Variants in PTPRD observed in about 807,000 individuals in gnomAD.
PTPRD encodes the protein receptor-type tyrosine-protein phosphatase delta.
In PTPRD, 34 loss-of-function variants were observed where a neutral mutation model predicts 214.5. That is an observed-to-expected ratio of 0.16 (90% CI 0.12 to 0.21). The LOEUF is 0.21. PTPRD is among the 10% of genes least tolerant of loss of function. The probability of loss-of-function intolerance (pLI) is 1.00; values close to 1 mark genes in which losing one functional copy is unlikely to be tolerated. For synonymous variants in PTPRD, 1,128 were observed against 845.7 expected, an observed-to-expected ratio of 1.33 and a Z score of -5.79; for missense variants, 2,545 against 2,398.7, an observed-to-expected ratio of 1.06 and a Z score of -1.27.
At chr9:9,653,386 A>AG (rs2096423344) in intron 7 of PTPRD, among the ~76,000 whole-genome samples, 1 of 133,794 alleles carries the variant, frequency 7.5e-6, no homozygotes, top group Non-Finnish European at 1.6e-5. Flanking sequence ...AAAAAAAAAA[A>AG]GTGCCTCATT....
intron 12 of PTPRD, among the ~76,000 whole-genome samples, chr9:8,722,616 T>C (rs2098513222): frequency 6.6e-6 from 1 of 152,124 alleles, no homozygotes; most frequent in Non-Finnish European, 1.5e-5. Flanking sequence ...TTTGACAAAA[T>C]GGAAGCATAT....
At chr9:9,590,205 A>G (rs141178098) in intron 7 of PTPRD, among the ~76,000 whole-genome samples, 1 of 152,100 alleles carries the variant, frequency 6.6e-6, no homozygotes, top group Non-Finnish European at 1.5e-5. Flanking sequence ...ATACTGTTCT[A>G]TGATCTATTT....
chr9:9,322,249 G>T lies in PTPRD; in HGVS notation c.-203+75200C>A, dbSNP rs76765693. Among the ~76,000 whole-genome samples the T allele has an allele frequency of 5.1e-3, 776 of 152,206 alleles. 9 individuals carry two copies. Among genetic ancestry groups the T allele is most frequent in the African/African-American group, 0.018 (727 of 41,530 alleles). Reference sequence around the variant, plus strand: ...TTCACCAGTAAAATTAATTGTCTTCGTATTCTACTAAACTTTGGAACGATA... The same window carrying T: ...TTCACCAGTAAAATTAATTGTCTTCTTATTCTACTAAACTTTGGAACGATA... On this transcript the variant is annotated intron_variant, in intron 9 of 45. Transcript: ENST00000381196.
At chr9:8,418,075 A>G (rs1252280201) in intron 35 of PTPRD, among the ~76,000 whole-genome samples, 1 of 152,186 alleles carries the variant, frequency 6.6e-6, no homozygotes, top group Non-Finnish European at 1.5e-5. Context: ...AACTCAATAT[A>G]AATATTGGAT....
chr9:9,582,042 T>C (rs529180319), intron 7 of PTPRD, among the ~76,000 whole-genome samples: 1 of 152,254 alleles, frequency 6.6e-6, no homozygotes, highest in South Asian at 2.1e-4. Flanking sequence ...TATAATCTCT[T>C]CCGGGATTTT....
At chr9:8,416,714 G>A (rs900848110) in intron 35 of PTPRD, among the ~76,000 whole-genome samples, 4 of 152,168 alleles carry the variant, frequency 2.6e-5, no homozygotes, top group Non-Finnish European at 5.9e-5. Context: ...AAGGATGGTA[G>A]TGAGAAATAA....
At chr9:10,236,819 T>C (rs1166879282) in intron 3 of PTPRD, among the ~76,000 whole-genome samples, 1 of 151,916 alleles carries the variant, frequency 6.6e-6, no homozygotes, top group Admixed American at 6.6e-5. Context: ...CATAATCCAG[T>C]AACTATGTAC....
intron 9 of PTPRD, among the ~76,000 whole-genome samples, chr9:9,366,673 T>C (rs561801566): frequency 2.0e-5 from 3 of 151,630 alleles, no homozygotes; most frequent in African/African-American, 4.8e-5. Flanking sequence ...ACATTTCTTA[T>C]TTGACACTGA....
intron 11 of PTPRD, among the ~76,000 whole-genome samples, chr9:8,805,311 T>C (rs4469518): frequency 6.6e-5 from 10 of 152,136 alleles, no homozygotes; most frequent in Non-Finnish European, 1.3e-4. Context: ...GAATTCATTT[T>C]CCCCATTTGA....
At chr9:10,583,448 C>A (rs1313667151) in intron 2 of PTPRD, among the ~76,000 whole-genome samples, 1 of 145,630 alleles carries the variant, frequency 6.9e-6, no homozygotes. Flanking sequence ...TGGTTATAAA[C>A]TAGAAGTTCT....
intron 9 of PTPRD, among the ~76,000 whole-genome samples, chr9:9,390,794 G>C (rs72700848): frequency 0.065 from 9,827 of 152,162 alleles, 354 homozygotes; most frequent in Middle Eastern, 0.13. Context: ...GACTTTGAAA[G>C]AGTTATTAAT....
chr9:10,330,826 G>A (rs1442918155), intron 3 of PTPRD, among the ~76,000 whole-genome samples: 1 of 151,828 alleles, frequency 6.6e-6, no homozygotes, highest in Non-Finnish European at 1.5e-5. Context: ...AAGCTCCTTT[G>A]ATTCTCCTTC....
At chr9:10,600,755 G>C (rs989451891) in intron 2 of PTPRD, among the ~76,000 whole-genome samples, 1 of 151,536 alleles carries the variant, frequency 6.6e-6, no homozygotes, top group Non-Finnish European at 1.5e-5. Context: ...AAAAACAGAG[G>C]TCCCTCAAAA....
intron 44 of PTPRD, among the ~76,000 whole-genome samples, chr9:8,320,386 C>G (rs1165048398): frequency 2.0e-5 from 3 of 152,078 alleles, no homozygotes; most frequent in Non-Finnish European, 4.4e-5. Context: ...ACTTTTCTAT[C>G]ACACTGTTCA....
At chr9:8,430,720 C>A (rs950510193) in intron 35 of PTPRD, among the ~76,000 whole-genome samples, 1 of 152,166 alleles carries the variant, frequency 6.6e-6, no homozygotes, top group Non-Finnish European at 1.5e-5. Context: ...GTAGTCCACA[C>A]TGACTATGAG....
chr9:9,229,794 G>T (rs1385975914), intron 9 of PTPRD, among the ~76,000 whole-genome samples: 2 of 152,098 alleles, frequency 1.3e-5, no homozygotes, highest in African/African-American at 4.8e-5. Context: ...TGAAGAGCAG[G>T]CATGATGAGA....
intron 11 of PTPRD, among the ~76,000 whole-genome samples, chr9:8,913,454 C>A (rs994290198): frequency 6.6e-6 from 1 of 152,054 alleles, no homozygotes; most frequent in Non-Finnish European, 1.5e-5. Context: ...TTGTTTATAT[C>A]AAGCCTCAAA....
intron 2 of PTPRD, among the ~76,000 whole-genome samples, chr9:10,557,269 G>C (rs1043251832): frequency 6.6e-6 from 1 of 151,952 alleles, no homozygotes; most frequent in Admixed American, 6.6e-5. Flanking sequence ...TCATTTAAAA[G>C]GATGCCCCAT....
intron 8 of PTPRD, among the ~76,000 whole-genome samples, chr9:9,548,545 T>C (rs2079393492): frequency 6.6e-6 from 1 of 151,724 alleles, no homozygotes; most frequent in African/African-American, 2.4e-5. Flanking sequence ...GCTACAGGCG[T>C]CTGCCACCAT....
Sources: allele counts gnomAD v4.1 joint callset (sites outside exome capture counted in the v4.1 genomes callset), GRCh38; gene constraint gnomAD v4.1.1; transcripts MANE v1.5; gene names NCBI Gene and HGNC (gene_info 2026-07-23, HGNC 2026-07-21).